The following RASSF5 variants were observed in gnomAD, a reference collection of about 807,000 sequenced individuals.
RASSF5 encodes ras association domain-containing protein 5.
In RASSF5, 25 loss-of-function variants were observed where a neutral mutation model predicts 40.5. That is an observed-to-expected ratio of 0.62 (90% CI 0.45 to 0.86). RASSF5 has a LOEUF of 0.86. Ranked by LOEUF, RASSF5 falls within the 40% of genes least tolerant of loss-of-function variation. RASSF5 has a pLI of 0.00. For synonymous variants in RASSF5, 246 were observed against 252.4 expected (o/e 0.97, Z 0.24); for missense variants, 521 against 572.8 (o/e 0.91, Z 0.92).
chr1:206,544,548 G>A (rs1397432886), intron 2 of RASSF5: 2 of 152,194 alleles, frequency 1.3e-5, no homozygotes, highest in South Asian at 2.1e-4. Flanking sequence ...TTTGCTATAA[G>A]GTTTATGACT....
chr1:206,540,475 AC>A (rs767002097), intron 2 of RASSF5, among the ~76,000 whole-genome samples: 1 of 152,208 alleles, frequency 6.6e-6, no homozygotes, highest in Non-Finnish European at 1.5e-5. Context: ...GGAGCCAAGA[AC>A]CCCGCGTGGG....
chr1:206,563,514 A>G (rs1558514229), intron 2 of RASSF5, among the ~76,000 whole-genome samples: 1 of 152,132 alleles, frequency 6.6e-6, no homozygotes, highest in Non-Finnish European at 1.5e-5. Context: ...TCTCTGTAGC[A>G]TCTGAAACCT....
chr1:206,581,327 G>T, intron 2 of RASSF5, among the ~76,000 whole-genome samples: 2 of 152,310 alleles, frequency 1.3e-5, no homozygotes, highest in South Asian at 4.1e-4. Flanking sequence ...GCTGGGTGCG[G>T]TGGCTCACAC....
At chr1:206,542,574 A>T (rs1553399530) in intron 2 of RASSF5, 1 of 152,196 alleles carries the variant, frequency 6.6e-6, no homozygotes, top group Non-Finnish European at 1.5e-5. Context: ...ATGGACTAAG[A>T]CAGTTCCTGG....
intron 2 of RASSF5, among the ~76,000 whole-genome samples, chr1:206,578,591 A>T (rs2103562552): frequency 6.6e-6 from 1 of 152,312 alleles, no homozygotes; most frequent in Non-Finnish European, 1.5e-5. Flanking sequence ...TGACAAATTT[A>T]AAAAGAGTGA....
chr1:206,516,617 C>T lies in RASSF5; in HGVS notation c.457+8558C>T, dbSNP rs551099126. Among the ~76,000 whole-genome samples, 78 of 152,200 alleles carry T rather than the reference C, an allele frequency of 5.1e-4. 1 individual carries two copies. The highest frequency in any genetic ancestry group is 9.3e-4 in the Non-Finnish European group (63 of 68,012). ...GACTACAGGTGCGTGCCACCACACC[C>T]GGATAATTTTTTTGTATTTTTAGTA... On this transcript the variant is annotated intron_variant, in intron 1 of 5. Transcript: ENST00000579436.
At chr1:206,532,941 C>T (rs1553398148) in intron 1 of RASSF5, among the ~76,000 whole-genome samples, 1 of 152,184 alleles carries the variant, frequency 6.6e-6, no homozygotes, top group East Asian at 1.9e-4. Context: ...TCAGGCTATG[C>T]AGCCACACGG....
At position 206,579,321 on chromosome 1, in the gene RASSF5, A is replaced by AT. The variant is rs1668777557; in HGVS notation, c.580-3947dup. ...TGCCAATGTCTATATTTGTTAAATC[A>AT]TAACAGAGTTCCCTATTCTGTCTCT... is the stretch of plus-strand genomic sequence containing the variant. On this transcript the variant is annotated intron_variant, in intron 2 of 5. Transcript: ENST00000579436. This position sits in a 1 kb window ranked among gnomAD's most constrained non-coding sequence, Gnocchi z 4.2. 6.6e-6 allele frequency among the ~76,000 whole-genome samples: 1 copy of AT among 152,232 alleles called. No homozygotes were observed. Among genetic ancestry groups the AT allele is most frequent in the Admixed American group, 6.5e-5 (1 of 15,282 alleles).
chr1:206,564,390 TTAGA>T (rs371923983), intron 2 of RASSF5, among the ~76,000 whole-genome samples: 328 of 152,308 alleles, frequency 2.2e-3, no homozygotes, highest in African/African-American at 7.6e-3. Context: ...CTTCACAGGT[TTAGA>T]TAGTTTATCC....
In RASSF5 at chr1:206,552,624, G is replaced by A. The variant is rs782611803; in HGVS notation, c.579+14331G>A. Reference sequence around the variant, plus strand: ...AGGTGGCGGGAGTCGGTGGAGAAAGGACAATTGTAATGGAAAGTTACAGGG... The same window carrying A: ...AGGTGGCGGGAGTCGGTGGAGAAAGAACAATTGTAATGGAAAGTTACAGGG... On this transcript the variant is annotated intron_variant, in intron 2 of 5. Transcript: ENST00000579436. The surrounding 1 kb of genome is among the most constrained non-coding windows in gnomAD (Gnocchi z 4.1). Among the ~76,000 whole-genome samples the A allele has an allele frequency of 6.6e-6, 1 of 152,152 alleles. No homozygotes were observed. The highest frequency in any genetic ancestry group is 6.5e-5 in the Admixed American group (1 of 15,272).
In RASSF5 at chr1:206,552,691, C is replaced by T. The variant is rs1357877389; in HGVS notation, c.579+14398C>T. ...TGATTCTACCATTTACTTGCTTGGG[C>T]GAGTTTACTCTGAAACTCAGTTCAT... On this transcript the variant is annotated intron_variant, in intron 2 of 5. Coordinates refer to ENST00000579436, the MANE Select transcript of RASSF5 (RefSeq NM_182663.4). The surrounding 1 kb of genome is among the most constrained non-coding windows in gnomAD (Gnocchi z 4.1). Among the ~76,000 whole-genome samples, 3 of 152,124 alleles carry T rather than the reference C, an allele frequency of 2.0e-5. No homozygotes were observed. The highest frequency in any genetic ancestry group is 6.5e-5 in the Admixed American group (1 of 15,290).
chr1:206,557,738 A>C, intron 2 of RASSF5: 1 of 1,598,674 alleles, frequency 6.3e-7, no homozygotes, highest in East Asian at 2.2e-5. Flanking sequence ...GGGGGGAAAT[A>C]ACCTCTGTGG....
At chr1:206,544,619 A>G (rs1273336601) in intron 2 of RASSF5, 1 of 152,166 alleles carries the variant, frequency 6.6e-6, no homozygotes, top group Non-Finnish European at 1.5e-5. Context: ...CCACTCACCA[A>G]AGGAGCAGAT....
chr1:206,536,694 A>T (rs78284629), intron 1 of RASSF5, among the ~76,000 whole-genome samples: 1 of 152,158 alleles, frequency 6.6e-6, no homozygotes, highest in African/African-American at 2.4e-5. Context: ...AAGGAAAAGC[A>T]TTTCGAGGTG....
At chr1:206,523,482 A>G (rs1282374354) in intron 1 of RASSF5, among the ~76,000 whole-genome samples, 20 of 93,088 alleles carry the variant, frequency 2.1e-4, no homozygotes, top group Middle Eastern at 5.3e-3. Flanking sequence ...TATACAATAT[A>G]TAATATTATA....
intron 5 of RASSF5, 97 bp from the exon 6 acceptor site, chr1:206,586,729 C>T (rs1401264784): frequency 1.1e-6 from 1 of 922,234 alleles, no homozygotes; most frequent in Non-Finnish European, 1.7e-6. Context: ...CGGATGTGAA[C>T]TGGGAAGGGG....
chr1:206,514,068 G>T (rs970230482), intron 1 of RASSF5, among the ~76,000 whole-genome samples: 30 of 152,250 alleles, frequency 2.0e-4, no homozygotes, highest in African/African-American at 7.0e-4. Context: ...AGGCCATGCC[G>T]GGCCTGTTCT....
At position 206,507,754 on chromosome 1, in the gene RASSF5, C is replaced by G; in HGVS notation, c.152C>G (p.Ser51Cys). Reference sequence around the variant, plus strand: ...CGCCTCTGTGTCCCGGCGCCCCTCTCCACTGCGCCCGGGGCGCGCGAGGGG... The same window carrying G: ...CGCCTCTGTGTCCCGGCGCCCCTCTGCACTGCGCCCGGGGCGCGCGAGGGG... ...SSRLCVPAPL[S>C]TAPGAREGRS... Residue 51 changes from serine (S) to cysteine (C), a missense_variant, in exon 1 of 6, where the codon TCC (serine) becomes TGC (cysteine). Around this residue, in one of 2 missense-constraint regions of RASSF5, gnomAD observed 237 missense variants for 212.0 expected, o/e 1.12. Coordinates refer to ENST00000579436, the MANE Select transcript of RASSF5 (RefSeq NM_182663.4). 1.4e-6 allele frequency: 2 copies of G among 1,436,156 alleles called. No individual in the cohort carries two copies. The highest frequency in any genetic ancestry group is 1.8e-6 in the Non-Finnish European group (2 of 1,103,402). 89.0% of individuals were successfully genotyped at this position (1,436,156 alleles called of 1,614,324 possible).
chr1:206,509,794 C>G (rs1666569113), intron 1 of RASSF5, among the ~76,000 whole-genome samples: 1 of 151,752 alleles, frequency 6.6e-6, no homozygotes, highest in Admixed American at 6.6e-5. Context: ...GTGTGATACT[C>G]CATGACTAAA....
Sources: allele counts gnomAD v4.1 joint callset (sites outside exome capture counted in the v4.1 genomes callset), GRCh38; gene constraint gnomAD v4.1.1; regional missense constraint gnomAD v4.1.1; non-coding constraint Gnocchi (gnomAD v3.1); transcripts MANE v1.5; gene names NCBI Gene and HGNC (gene_info 2026-07-23, HGNC 2026-07-21).